The following NAV3 variants were observed in gnomAD, a reference collection of about 807,000 sequenced individuals.
The protein encoded by NAV3 is neuron navigator 3, also known as pore membrane and/or filament interacting like protein 1.
Under a neutral mutation model 244.7 loss-of-function variants are expected in NAV3, and 87 were observed. The observed-to-expected ratio is 0.36, with a 90% CI of 0.30 to 0.42. The LOEUF (loss-of-function observed/expected upper bound fraction) is 0.42. Ranked by LOEUF, NAV3 falls within the 20% of genes least tolerant of loss-of-function variation. The probability of loss-of-function intolerance (pLI) is 1.00; values close to 1 mark genes in which losing one functional copy is unlikely to be tolerated. For synonymous variants in NAV3, 1,126 were observed against 1,042.2 expected, an observed-to-expected ratio of 1.08 and a Z score of -1.55; for missense variants, 2,663 against 2,893.3, an observed-to-expected ratio of 0.92 and a Z score of 1.83.
intron 2 of NAV3, among the ~76,000 whole-genome samples, chr12:77,797,802 G>A (rs1316001059): frequency 6.6e-6 from 1 of 151,104 alleles, no homozygotes; most frequent in African/African-American, 2.4e-5. Context: ...TTGTGCCACT[G>A]CACTCCAGCC....
chr12:78,132,498 C>A (rs1312907869), intron 18 of NAV3, among the ~76,000 whole-genome samples: 1 of 152,120 alleles, frequency 6.6e-6, no homozygotes, highest in Non-Finnish European at 1.5e-5. Flanking sequence ...ACAATTCTTT[C>A]TCCTGGGGTT....
intron 1 of NAV3, among the ~76,000 whole-genome samples, chr12:77,861,744 A>G (rs1421678539): frequency 1.3e-5 from 2 of 151,832 alleles, no homozygotes; most frequent in Non-Finnish European, 3.0e-5. Context: ...GAGGCTATAA[A>G]GAAACTTCCT....
intron 2 of NAV3, among the ~76,000 whole-genome samples, chr12:77,737,263 C>T (rs1877375426): frequency 6.7e-6 from 1 of 149,046 alleles, no homozygotes; most frequent in Admixed American, 6.8e-5. Context: ...GGTCATTAGT[C>T]TTTGAGGCCT....
chr12:77,693,374 G>A (rs1875125900), intron 2 of NAV3, among the ~76,000 whole-genome samples: 1 of 151,756 alleles, frequency 6.6e-6, no homozygotes, highest in Admixed American at 6.6e-5. Flanking sequence ...CATAGTCCTT[G>A]CTATGTACAA....
chr12:77,581,217 A>T (rs1869349940), intron 2 of NAV3, among the ~76,000 whole-genome samples: 1 of 152,202 alleles, frequency 6.6e-6, no homozygotes, highest in Non-Finnish European at 1.5e-5. Flanking sequence ...TCCATCCCAC[A>T]TCTATTGCTT....
intron 3 of NAV3, among the ~76,000 whole-genome samples, chr12:77,961,815 A>G (rs1165350897): frequency 6.6e-6 from 1 of 151,008 alleles, no homozygotes; most frequent in Non-Finnish European, 1.5e-5. Context: ...CTCTATGTAT[A>G]CATTACACAC....
intron 2 of NAV3, among the ~76,000 whole-genome samples, chr12:77,822,419 C>T (rs961278707): frequency 6.6e-6 from 1 of 152,160 alleles, no homozygotes; most frequent in African/African-American, 2.4e-5. Flanking sequence ...CATATTGCCC[C>T]TTGTGCCCAC....
chr12:77,766,777 G>C (rs147603132), intron 2 of NAV3, among the ~76,000 whole-genome samples: 2 of 41,974 alleles, frequency 4.8e-5, no homozygotes, highest in Non-Finnish European at 1.0e-4. Flanking sequence ...TTTTTGAGAC[G>C]GAGTCTCGCT....
At chr12:77,684,024 A>G (rs1253945241) in intron 2 of NAV3, among the ~76,000 whole-genome samples, 1 of 152,180 alleles carries the variant, frequency 6.6e-6, no homozygotes, top group East Asian at 1.9e-4. Flanking sequence ...ATGATTTTCT[A>G]CAGATGTTGA....
chr12:77,874,468 C>T (rs553237292), intron 1 of NAV3, among the ~76,000 whole-genome samples: 3 of 152,242 alleles, frequency 2.0e-5, no homozygotes, highest in African/African-American at 4.8e-5. Flanking sequence ...GCCTCAGCCT[C>T]TCAAAGTACT....
intron 2 of NAV3, among the ~76,000 whole-genome samples, chr12:77,747,715 G>C (rs938480495): frequency 2.0e-5 from 3 of 152,222 alleles, no homozygotes; most frequent in Admixed American, 6.5e-5. Context: ...AAAAAATGAT[G>C]AGTTCATGTC....
At chr12:77,918,495 C>T (rs1408314784) in intron 1 of NAV3, among the ~76,000 whole-genome samples, 3 of 152,044 alleles carry the variant, frequency 2.0e-5, no homozygotes, top group Non-Finnish European at 2.9e-5. Context: ...AATACAAACC[C>T]AAAACTCCAT....
upstream of NAV3, among the ~76,000 whole-genome samples, chr12:77,826,739 G>A (rs1406768018): frequency 6.6e-6 from 1 of 152,146 alleles, no homozygotes. Flanking sequence ...GGCAAAACTA[G>A]CGTTAGAAGT....
At chr12:77,960,963 AATAT>A (rs1350714724) in intron 3 of NAV3, among the ~76,000 whole-genome samples, 3 of 140,378 alleles carry the variant, frequency 2.1e-5, no homozygotes, top group African/African-American at 8.0e-5. Flanking sequence ...TTATGCATGT[AATAT>A]ATGTATATAT....
At chr12:78,192,432 G>A (rs1959024567) in intron 34 of NAV3, among the ~76,000 whole-genome samples, 1 of 150,586 alleles carries the variant, frequency 6.6e-6, no homozygotes, top group African/African-American at 2.4e-5. Flanking sequence ...TTGAGACAGA[G>A]TCTTGCTCTG....
rs1404162399 is a variant in NAV3, at chr12:78,200,573, A to C, written c.6816A>C (p.Ala2272=). The change falls in exon 38 of 40, where the codon GCA becomes GCC. Residue 2272 remains alanine, a synonymous_variant. Coordinates refer to ENST00000397909, the MANE Select transcript of NAV3 (RefSeq NM_001024383.2). ...CTTTAGTACCTTATATTCTGGAGGC[A>C]GTGAGAGAGGGTCTTCAGGTATAGT... ...NYSLVPYILE[A]VREGLQMYGK... is the part of the protein sequence containing the mutation. 9.6e-6 allele frequency: 15 copies of C among 1,568,368 alleles called. No individual in the cohort carries two copies. The Admixed American group carries it at 2.6e-4, about 27-fold the overall frequency.
At chr12:77,995,264 A>C (rs1434843904) in intron 6 of NAV3, among the ~76,000 whole-genome samples, 1 of 152,178 alleles carries the variant, frequency 6.6e-6, no homozygotes, top group Non-Finnish European at 1.5e-5. Context: ...TGGAGATTTG[A>C]AAAACATTGG....
chr12:78,181,178 T>G, intron 30 of NAV3, 133 bp downstream of exon 30: 1 of 756,338 alleles, frequency 1.3e-6, no homozygotes, highest in South Asian at 2.2e-5. Context: ...CCTAGTTTGA[T>G]CTTATAAATC....
chr12:77,848,729 T>G (rs79890438), intron 1 of NAV3, among the ~76,000 whole-genome samples: 1,755 of 152,270 alleles, frequency 0.012, 28 homozygotes, highest in African/African-American at 0.04. Flanking sequence ...GGATAAAGAG[T>G]TAACTGCCTT....
Sources: gnomAD v4.1 joint callset for allele counts (sites outside exome capture counted in the v4.1 genomes callset) on GRCh38, gnomAD v4.1.1 for gene constraint, MANE v1.5 for transcripts, NCBI Gene and HGNC (gene_info 2026-07-23, HGNC 2026-07-21) for gene names.